XYLB: variants seen among roughly 807,000 people sequenced by gnomAD.
The protein encoded by XYLB is xylulose kinase.
Under a neutral mutation model 78.7 loss-of-function variants are expected in XYLB, and 62 were observed. The observed-to-expected ratio is 0.79, with a 90% confidence interval of 0.64 to 0.97. XYLB has a LOEUF of 0.97. XYLB is among the 50% of genes least tolerant of loss of function. The pLI, the probability that XYLB is intolerant of heterozygous loss-of-function variation, is 0.00. For synonymous variants in XYLB, 245 were observed against 247.4 expected, an observed-to-expected ratio of 0.99 and a Z score of 0.09; for missense variants, 687 against 676.8, an observed-to-expected ratio of 1.02 and a Z score of -0.17.
chr3:38,452,775 G>T, the XYLB span: 1 of 152,078 alleles, frequency 6.6e-6, no homozygotes, highest in Non-Finnish European at 1.5e-5. Context: ...CTAGGTTTCT[G>T]CCATTAAGAA....
At chr3:38,348,496 C>A in intron 1 of XYLB, 54 bp from the exon 2 acceptor site, 1 of 1,563,730 alleles carries the variant, frequency 6.4e-7, no homozygotes, top group Non-Finnish European at 8.8e-7. Flanking sequence ...ACCCCCTGGA[C>A]CAGTGTAGAA....
At chr3:38,422,437 T>A (rs1348185748), downstream of XYLB, among the ~76,000 whole-genome samples, 1 of 152,064 alleles carries the variant, frequency 6.6e-6, no homozygotes, top group Non-Finnish European at 1.5e-5. Context: ...CTGATAAACA[T>A]CCTACCTGTG....
intron 15 of XYLB, among the ~76,000 whole-genome samples, chr3:38,385,359 A>G (rs77172496): frequency 6.6e-6 from 1 of 151,916 alleles, no homozygotes; most frequent in Non-Finnish European, 1.5e-5. Flanking sequence ...TCCCTTGAGC[A>G]TGTTAGCTAA....
At chr3:38,430,846 T>C in the XYLB span, among the ~76,000 whole-genome samples, 1 of 152,210 alleles carries the variant, frequency 6.6e-6, no homozygotes, top group Non-Finnish European at 1.5e-5. Context: ...CTCAGGTTTG[T>C]CAAAGATCAG....
chr3:38,370,205 T>C, intron 9 of XYLB, 31 bp downstream of exon 9: 1 of 1,538,476 alleles, frequency 6.5e-7, no homozygotes, highest in Non-Finnish European at 9.0e-7. Flanking sequence ...TGTGGCTCAT[T>C]TAAGAGCTGG....
chr3:38,368,399 T>C (rs942949475), intron 8 of XYLB, 142 bp downstream of exon 8: 1 of 726,854 alleles, frequency 1.4e-6, no homozygotes. Context: ...GTGTATTCAT[T>C]ATCTTTTACC....
intron 14 of XYLB, among the ~76,000 whole-genome samples, chr3:38,377,944 G>A (rs1414717817): frequency 1.3e-5 from 2 of 152,152 alleles, no homozygotes. Flanking sequence ...GATTTAGTTG[G>A]TTCTTGCTCC....
intron 6 of XYLB, among the ~76,000 whole-genome samples, chr3:38,366,024 ATTACAACAGGAC>A (rs959711344): frequency 6.6e-6 from 1 of 151,112 alleles, no homozygotes; most frequent in Non-Finnish European, 1.5e-5. Context: ...TAACCCGGGG[ATTACAACAGGAC>A]TTACGTTTTG....
chr3:38,401,062 C>A, intron 18 of XYLB, 77 bp downstream of exon 18: 1 of 1,277,606 alleles, frequency 7.8e-7, no homozygotes, highest in Non-Finnish European at 1.1e-6. Context: ...ACCAAAAGGT[C>A]ACCTACATTG....
chr3:38,424,178 A>T (rs548255977), downstream of XYLB, among the ~76,000 whole-genome samples: 6 of 152,250 alleles, frequency 3.9e-5, no homozygotes, highest in East Asian at 9.7e-4. Context: ...GAAAAGATTG[A>T]TTTTTCCAAC....
chr3:38,350,962 T>A (rs774037241), intron 2 of XYLB, among the ~76,000 whole-genome samples: 1 of 151,698 alleles, frequency 6.6e-6, no homozygotes, highest in Non-Finnish European at 1.5e-5. Flanking sequence ...GCCAACATGG[T>A]GAAACCCTGT....
At chr3:38,445,008 A>G in the XYLB span, among the ~76,000 whole-genome samples, 1 of 152,178 alleles carries the variant, frequency 6.6e-6, no homozygotes, top group South Asian at 2.1e-4. Context: ...AAGAGGACCA[A>G]GAAAAATCAG....
intron 18 of XYLB, among the ~76,000 whole-genome samples, chr3:38,408,337 A>G (rs377649712): frequency 3.4e-4 from 51 of 151,298 alleles, no homozygotes; most frequent in African/African-American, 9.7e-4. Flanking sequence ...TGAAACCAAC[A>G]AGAACAAAGA....
intron 2 of XYLB, among the ~76,000 whole-genome samples, chr3:38,353,690 C>G (rs1309570648): frequency 6.6e-6 from 1 of 151,916 alleles, no homozygotes; most frequent in East Asian, 1.9e-4. Context: ...AGTTCAAGAC[C>G]AGCCTGGCTA....
intron 14 of XYLB, 66 bp from the exon 15 acceptor site, chr3:38,379,176 GACAC>G (rs1401429849): frequency 6.1e-6 from 9 of 1,480,692 alleles, no homozygotes; most frequent in Non-Finnish European, 8.5e-6. Flanking sequence ...ATCACACACA[GACAC>G]ACACATACAC....
At chr3:38,372,582 A>G (rs1706625172) in intron 9 of XYLB, 73 bp from the exon 10 acceptor site, 1 of 1,610,178 alleles carries the variant, frequency 6.2e-7, no homozygotes. Context: ...TCGTGGCCTG[A>G]AGGGTGGGTG....
chr3:38,369,447 T>C (rs1476561155), intron 8 of XYLB, among the ~76,000 whole-genome samples: 2 of 152,192 alleles, frequency 1.3e-5, no homozygotes, highest in Non-Finnish European at 2.9e-5. Flanking sequence ...TCACCTGAGA[T>C]GTCACCTCCT....
chr3:38,417,379 C>T (rs181540696), downstream of XYLB, among the ~76,000 whole-genome samples: 6 of 152,248 alleles, frequency 3.9e-5, no homozygotes, highest in African/African-American at 1.4e-4. Context: ...CCTGGCATAG[C>T]AGTGATTAAA....
In XYLB at chr3:38,412,991, A is replaced by G. The variant is rs1708658902; in HGVS notation, c.1589A>G (p.Gln530Arg). The G allele has an allele frequency of 6.2e-7, 1 of 1,603,930 alleles. No individual in the cohort carries two copies. The highest frequency in any genetic ancestry group is 8.5e-7 in the Non-Finnish European group (1 of 1,176,402). Residue 530 changes from glutamine to arginine, a missense_variant, in exon 19 of 19, where the codon CAG becomes CGG. Physicochemically the swap from Gln to Arg is conservative, Grantham distance 43 (BLOSUM62 1). Transcript: ENST00000207870. ...AAACTCGAGCAGAGAATCTTGTCTCAGACCCGGGGGCCTCCGGAGTGAACA... is the reference window on the plus strand; with the variant it reads ...AAACTCGAGCAGAGAATCTTGTCTCGGACCCGGGGGCCTCCGGAGTGAACA... ...YAKLEQRILS[Q>R]TRGPPE
Sources: gnomAD v4.1 joint callset for allele counts (sites outside exome capture counted in the v4.1 genomes callset) on GRCh38, gnomAD v4.1.1 for gene constraint, MANE v1.5 for transcripts, NCBI Gene and HGNC (gene_info 2026-07-23, HGNC 2026-07-21) for gene names.